The following SLC2A13 variants were observed in gnomAD, a reference collection of about 807,000 sequenced individuals.
SLC2A13 encodes the protein solute carrier family 2 member 13.
SLC2A13 carries 32 observed loss-of-function variants against 64.4 expected under a neutral mutation model. The ratio of observed to expected loss-of-function variants is 0.50; its 90% CI spans 0.37 to 0.67. The LOEUF is 0.67. Among genes scored for constraint, SLC2A13 ranks in the 30% least tolerant of loss-of-function variants. The pLI is 0.00. For synonymous variants in SLC2A13, 338 were observed against 327.1 expected (o/e 1.03, Z -0.36); for missense variants, 743 against 829.2 (o/e 0.90, Z 1.28).
At chr12:40,035,869 A>G (rs1947975602) in intron 2 of SLC2A13, among the ~76,000 whole-genome samples, 1 of 152,268 alleles carries the variant, frequency 6.6e-6, no homozygotes, top group African/African-American at 2.4e-5. Flanking sequence ...ACAGAATGTG[A>G]TATCGTTGAA....
At chr12:39,841,058 C>A (rs1431480700) in intron 6 of SLC2A13, among the ~76,000 whole-genome samples, 1 of 152,062 alleles carries the variant, frequency 6.6e-6, no homozygotes, top group Non-Finnish European at 1.5e-5. Flanking sequence ...ACATGACCAT[C>A]TGGAACTCTG....
At chr12:39,976,405 CGCAGAGTT>C (rs1800120663) in intron 3 of SLC2A13, among the ~76,000 whole-genome samples, 1 of 152,080 alleles carries the variant, frequency 6.6e-6, no homozygotes, top group South Asian at 2.1e-4. Flanking sequence ...ACTTCATGAC[CGCAGAGTT>C]GCAAACAAGA....
At position 40,067,566 on chromosome 12, in the gene SLC2A13, C is replaced by G. The variant is rs892606893; in HGVS notation, c.557-19356G>C. On this transcript the variant is annotated intron_variant, in intron 1 of 9. Transcript: ENST00000280871. ...AAACCATTTTATTTATACAGACATG[C>G]TAATTCTATGCAATTAGTGTTAATT... is the stretch of plus-strand genomic sequence containing the variant. Among the ~76,000 whole-genome samples the G allele has an allele frequency of 1.1e-4, 17 of 152,150 alleles. No homozygotes were observed. The South Asian group carries it at 2.1e-3, about 19-fold the overall frequency.
chr12:39,868,223 G>C (rs920376033), intron 5 of SLC2A13, among the ~76,000 whole-genome samples: 10 of 152,152 alleles, frequency 6.6e-5, no homozygotes, highest in Admixed American at 6.5e-4. Context: ...TATGTTTCAA[G>C]AGAAGAGTCT....
At chr12:40,019,285 C>T (rs1249929052) in intron 3 of SLC2A13, among the ~76,000 whole-genome samples, 1 of 152,140 alleles carries the variant, frequency 6.6e-6, no homozygotes, top group African/African-American at 2.4e-5. Flanking sequence ...GAATGCTTTC[C>T]TTTCAGAAAA....
At chr12:39,848,397 C>T (rs1029631727) in intron 6 of SLC2A13, among the ~76,000 whole-genome samples, 6 of 152,068 alleles carry the variant, frequency 3.9e-5, no homozygotes, top group Non-Finnish European at 5.9e-5. Context: ...AGATGACATA[C>T]GTGCAGCCAA....
At chr12:39,963,594 C>A (rs1946454689) in intron 3 of SLC2A13, among the ~76,000 whole-genome samples, 2 of 152,128 alleles carry the variant, frequency 1.3e-5, no homozygotes, top group Admixed American at 6.6e-5. Flanking sequence ...ACATTTAAAT[C>A]AGAATTATTC....
At chr12:40,039,963 T>A (rs1490593488) in intron 2 of SLC2A13, among the ~76,000 whole-genome samples, 2 of 152,244 alleles carry the variant, frequency 1.3e-5, no homozygotes, top group African/African-American at 2.4e-5. Context: ...CCATGCTCCA[T>A]ACATTCACAC....
rs764286083 is a variant in SLC2A13, at chr12:39,764,788, A to G, written c.1516T>C (p.Ser506Pro). The G allele has an allele frequency of 1.2e-6, 2 of 1,612,862 alleles. No individual in the cohort carries two copies. The highest frequency in any genetic ancestry group is 3.3e-5 in the Admixed American group (2 of 59,840). The change falls in exon 8 of 10, where the codon TCC (serine) becomes CCC (proline). Residue 506 changes from serine to proline, a missense_variant. Around this residue, in one of 2 missense-constraint regions of SLC2A13, gnomAD observed 295 missense variants for 381.7 expected, o/e 0.77. Coordinates refer to ENST00000280871, the MANE Select transcript of SLC2A13 (RefSeq NM_052885.4). ...WAYNFCPTPY[S>P]WTALLGLILY... ...ATAAGGCCCAGAAGTGCAGTCCAGG[A>G]GTATGGAGTAGGGCAGAAATTGTAA... is the stretch of plus-strand genomic sequence containing the variant.
intron 2 of SLC2A13, among the ~76,000 whole-genome samples, chr12:40,036,832 G>C (rs1238867311): frequency 1.3e-5 from 2 of 152,238 alleles, no homozygotes; most frequent in Non-Finnish European, 2.9e-5. Context: ...GGATATCTTT[G>C]CCTAGCAAAC....
chr12:39,945,302 T>G (rs1443507401), intron 4 of SLC2A13, among the ~76,000 whole-genome samples: 1 of 152,180 alleles, frequency 6.6e-6, no homozygotes. Flanking sequence ...CTTTCCTTCA[T>G]CTTAACTTTG....
intron 4 of SLC2A13, among the ~76,000 whole-genome samples, chr12:39,922,016 T>A (rs1945622653): frequency 6.6e-6 from 1 of 152,134 alleles, no homozygotes; most frequent in Admixed American, 6.6e-5. Context: ...GTACCTACAT[T>A]TGTAGGGTGA....
chr12:40,033,978 C>A (rs1947941057), intron 2 of SLC2A13, among the ~76,000 whole-genome samples: 1 of 152,154 alleles, frequency 6.6e-6, no homozygotes, highest in Non-Finnish European at 1.5e-5. Flanking sequence ...TGCTCTGTTT[C>A]TTTCCCTTCT....
At chr12:39,928,357 A>G (rs780085626) in intron 4 of SLC2A13, among the ~76,000 whole-genome samples, 3 of 152,102 alleles carry the variant, frequency 2.0e-5, no homozygotes, top group African/African-American at 4.8e-5. Context: ...TACTTACTCA[A>G]TTTGAGAGCC....
rs576184918 is a variant in SLC2A13, at chr12:39,795,193, C to A, written c.1446-30335G>T. On this transcript the variant is annotated intron_variant, in intron 7 of 9. Coordinates refer to ENST00000280871, the MANE Select transcript of SLC2A13 (RefSeq NM_052885.4). ...TCTCTTATATCTTGATCTCCCCCCA[C>A]CTCTCTCTCTCTCTGTGTGTGTCAC... Among the ~76,000 whole-genome samples, 186 of 150,380 alleles carry A rather than the reference C, an allele frequency of 1.2e-3. 2 individuals are homozygous for A. The highest frequency in any genetic ancestry group is 4.0e-3 in the African/African-American group (163 of 41,018).
intron 7 of SLC2A13, among the ~76,000 whole-genome samples, chr12:39,766,782 G>T (rs1254650528): frequency 6.6e-6 from 1 of 151,998 alleles, no homozygotes; most frequent in Non-Finnish European, 1.5e-5. Flanking sequence ...TACTTTCTTT[G>T]TTCCTCCTTA....
rs193092871 is a variant in SLC2A13 at position 39,839,538 on chromosome 12, A to G, written c.1320-9310T>C. 9.9e-5 allele frequency among the ~76,000 whole-genome samples: 15 copies of G among 151,910 alleles called. No homozygotes were observed. The East Asian group carries it at 2.5e-3, about 26-fold the overall frequency. ...ACTCGGAGCACTTTTCCAACATACT[A>G]TTATCATTTGGTGATAAGATTTTCT... On this transcript the variant is annotated intron_variant, in intron 6 of 9. Coordinates refer to ENST00000280871, the MANE Select transcript of SLC2A13 (RefSeq NM_052885.4).
At chr12:40,052,828 C>T (rs779227778) in intron 1 of SLC2A13, among the ~76,000 whole-genome samples, 8 of 151,940 alleles carry the variant, frequency 5.3e-5, no homozygotes, top group African/African-American at 1.7e-4. Flanking sequence ...CAATGGCATA[C>T]GAGAAGAATG....
At chr12:39,966,716 GC>G (rs148101147) in intron 3 of SLC2A13, among the ~76,000 whole-genome samples, 309 of 152,208 alleles carry the variant, frequency 2.0e-3, no homozygotes, top group African/African-American at 6.9e-3. Context: ...AGATTTTAAT[GC>G]TACTTTTATG....
Sources: gnomAD v4.1 joint callset for allele counts (sites outside exome capture counted in the v4.1 genomes callset) on GRCh38, gnomAD v4.1.1 for gene constraint, gnomAD v4.1.1 regional missense constraint, MANE v1.5 for transcripts, NCBI Gene and HGNC (gene_info 2026-07-23, HGNC 2026-07-21) for gene names.